SEM1: variants seen among roughly 807,000 people sequenced by gnomAD.
The protein encoded by SEM1 is SEM1 26S proteasome subunit.
A neutral mutation model predicts 12.7 loss-of-function variants in SEM1; 3 were observed. That is an observed-to-expected ratio of 0.24 (90% CI 0.11 to 0.61). The LOEUF (loss-of-function observed/expected upper bound fraction) is 0.61, where lower values mean the gene tolerates loss of function less well. SEM1 is among the 20% of genes least tolerant of loss of function. The probability of loss-of-function intolerance (pLI) is 0.88; values close to 1 mark genes in which losing one functional copy is unlikely to be tolerated. For missense variants in SEM1, 59 were observed against 81.3 expected (o/e 0.73, Z 1.06); for synonymous variants, 30 against 27.8 (o/e 1.08, Z -0.25).
At chr7:96,684,869 C>T (rs1405434622), downstream of SEM1, among the ~76,000 whole-genome samples, 1 of 152,048 alleles carries the variant, frequency 6.6e-6, no homozygotes, top group Non-Finnish European at 1.5e-5. Context: ...TTAAAAGCAA[C>T]TGACACTGGT....
intron 2 of SEM1, among the ~76,000 whole-genome samples, chr7:96,659,863 A>G (rs1788932139): frequency 6.6e-6 from 1 of 151,334 alleles, no homozygotes; most frequent in South Asian, 2.1e-4. Flanking sequence ...GATGATACAT[A>G]GAAGAATCAG....
chr7:96,530,068 G>A (rs933844992), intron 2 of SEM1, among the ~76,000 whole-genome samples: 1 of 152,078 alleles, frequency 6.6e-6, no homozygotes. Flanking sequence ...ATTCTAGGTG[G>A]TGGTTCTTTG....
intron 2 of SEM1, among the ~76,000 whole-genome samples, chr7:96,577,115 CAAA>C (rs34984231): frequency 7.5e-5 from 11 of 147,050 alleles, no homozygotes; most frequent in East Asian, 4.0e-4. Flanking sequence ...AAAACTCTGT[CAAA>C]AAAAAAAAAA....
At chr7:96,589,875 T>G (rs1197454368) in intron 2 of SEM1, among the ~76,000 whole-genome samples, 2 of 152,194 alleles carry the variant, frequency 1.3e-5, no homozygotes, top group Non-Finnish European at 2.9e-5. Context: ...TTTGAGTGAC[T>G]GCAGATGACT....
chr7:96,693,936 C>T (rs1192680080), intron 2 of SEM1, among the ~76,000 whole-genome samples: 3 of 151,698 alleles, frequency 2.0e-5, no homozygotes, highest in Non-Finnish European at 4.4e-5. Flanking sequence ...ATGTATAAAA[C>T]GTGGCATATC....
At chr7:96,515,811 G>A (rs1417086482) in intron 2 of SEM1, among the ~76,000 whole-genome samples, 8 of 152,086 alleles carry the variant, frequency 5.3e-5, no homozygotes, top group Admixed American at 5.2e-4. Context: ...TCACTCATAA[G>A]TAGGAGCTGA....
At chr7:96,516,623 C>T (rs889173785) in intron 2 of SEM1, among the ~76,000 whole-genome samples, 4 of 152,084 alleles carry the variant, frequency 2.6e-5, no homozygotes, top group Non-Finnish European at 4.4e-5. Flanking sequence ...AACTCTCATT[C>T]ATTGATGGTG....
chr7:96,603,976 A>G lies in SEM1; in HGVS notation c.170+90822T>C, dbSNP rs1807268135. Among the ~76,000 whole-genome samples the G allele has an allele frequency of 2.0e-5, 3 of 152,140 alleles. No homozygotes were observed. In the South Asian group the frequency reaches 6.2e-4, roughly 32 times the overall value. On this transcript the variant is annotated intron_variant and NMD_transcript_variant, in intron 2 of 3. Transcript: ENST00000466986. ...ATGTAAAATTGTGAGATAACACTTCATAACAGAATAAAAATATTAAAGAAA... is the reference window on the plus strand; with the variant it reads ...ATGTAAAATTGTGAGATAACACTTCGTAACAGAATAAAAATATTAAAGAAA...
chr7:96,565,813 A>G (rs901886463), intron 2 of SEM1, among the ~76,000 whole-genome samples: 3 of 151,960 alleles, frequency 2.0e-5, no homozygotes, highest in East Asian at 3.9e-4. Context: ...ACAAAAATAG[A>G]AAACAGTGCA....
intron 2 of SEM1, among the ~76,000 whole-genome samples, chr7:96,598,841 A>T (rs539430344): frequency 7.9e-5 from 12 of 152,318 alleles, no homozygotes; most frequent in African/African-American, 2.4e-4. Flanking sequence ...GATTAAAAAA[A>T]TTTTTTTAAA....
chr7:96,530,682 T>TA (rs1440320880), intron 2 of SEM1, among the ~76,000 whole-genome samples: 4 of 152,102 alleles, frequency 2.6e-5, no homozygotes, highest in Admixed American at 2.6e-4. Context: ...CAATTCGGCG[T>TA]AGCATTCCTA....
intron 2 of SEM1, among the ~76,000 whole-genome samples, chr7:96,641,985 C>T (rs1449260753): frequency 3.3e-5 from 5 of 151,958 alleles, no homozygotes; most frequent in African/African-American, 1.2e-4. Context: ...GTCACAGTAG[C>T]TTAACCTCAA....
At chr7:96,594,785 A>G (rs1271757952) in intron 2 of SEM1, among the ~76,000 whole-genome samples, 2 of 152,224 alleles carry the variant, frequency 1.3e-5, no homozygotes, top group African/African-American at 4.8e-5. Flanking sequence ...GTATTACAAA[A>G]CTAAAAGAAA....
At chr7:96,662,475 C>T (rs1270642192) in intron 2 of SEM1, among the ~76,000 whole-genome samples, 1 of 152,074 alleles carries the variant, frequency 6.6e-6, no homozygotes, top group East Asian at 1.9e-4. Context: ...ACAATGAGAA[C>T]ACATGGACAC....
At position 96,501,448 on chromosome 7, in the gene SEM1, A is replaced by AC. The variant is rs1197055690; in HGVS notation, c.*60+5174_*60+5175insG. 3.4e-4 allele frequency among the ~76,000 whole-genome samples: 51 copies of AC among 152,022 alleles called. No individual in the cohort carries two copies. The East Asian group carries it at 3.5e-3, about 10-fold the overall frequency. On this transcript the variant is annotated intron_variant and NMD_transcript_variant, in intron 3 of 3. Transcript: ENST00000466986. ...GTATATAGACCTTTCACACACACAC[A>AC]AAAAAACCCAATCTTTTTTGATTAA...
In SEM1 at chr7:96,591,333, T is replaced by TTAAAA. The variant is rs1383955101; in HGVS notation, c.171-84640_171-84636dup. On this transcript the variant is annotated intron_variant and NMD_transcript_variant, in intron 2 of 3. Transcript: ENST00000466986. ...AGACTTTCGGTTAACTTCTGAGGTT[T>TTAAAA]TAAAACAACGAACTGTCAACCACCA... Among the ~76,000 whole-genome samples the TTAAAA allele has an allele frequency of 7.9e-5, 12 of 152,312 alleles. No individual in the cohort carries two copies. In the East Asian group the frequency reaches 2.3e-3, roughly 29 times the overall value.
chr7:96,622,562 T>C, exon 3 of SEM1: 1 of 761,386 alleles, frequency 1.3e-6, no homozygotes, highest in South Asian at 1.4e-5. Flanking sequence ...TTCTTTCTTA[T>C]TAGCTGCATG....
intron 1 of SEM1, among the ~76,000 whole-genome samples, chr7:96,708,663 G>A (rs1405382247): frequency 3.3e-5 from 5 of 152,176 alleles, no homozygotes; most frequent in Admixed American, 6.5e-5. Context: ...AAGCAGTACA[G>A]CTGAAGTTAA....
At chr7:96,566,994 G>A (rs926398670) in intron 2 of SEM1, among the ~76,000 whole-genome samples, 1 of 151,494 alleles carries the variant, frequency 6.6e-6, no homozygotes, top group Non-Finnish European at 1.5e-5. Context: ...ATTGTGTTTT[G>A]TTTCTATGTG....
Sources: allele counts gnomAD v4.1 joint callset (sites outside exome capture counted in the v4.1 genomes callset), GRCh38; gene constraint gnomAD v4.1.1; transcripts MANE v1.5; gene names NCBI Gene and HGNC (gene_info 2026-07-23, HGNC 2026-07-21).